The following KALRN variants were observed in gnomAD, a reference collection of about 807,000 sequenced individuals.
KALRN encodes the protein kalirin.
A neutral mutation model predicts 353.7 loss-of-function variants in KALRN; 70 were observed. The observed-to-expected ratio is 0.20, with a 90% CI of 0.16 to 0.24. KALRN has a LOEUF of 0.24. KALRN is among the 10% of genes least tolerant of loss of function. The pLI is 1.00. For synonymous variants in KALRN, 1,391 were observed against 1,434.8 expected (o/e 0.97, Z 0.69); for missense variants, 2,791 against 3,756.7 (o/e 0.74, Z 6.72).
chr3:124,374,230 G>C (rs979452309), intron 10 of KALRN: 1 of 152,482 alleles, frequency 6.6e-6, no homozygotes, highest in African/African-American at 2.4e-5. Flanking sequence ...TGGGTACCTT[G>C]ATCTTGGACT....
At chr3:124,530,237 T>A (rs1034557122) in intron 33 of KALRN, among the ~76,000 whole-genome samples, 3 of 152,138 alleles carry the variant, frequency 2.0e-5, no homozygotes, top group Admixed American at 2.0e-4. Context: ...TATAGTCCAT[T>A]TGGGAGAGAG....
At chr3:124,297,231 G>C (rs919427393) in intron 5 of KALRN, among the ~76,000 whole-genome samples, 8 of 152,238 alleles carry the variant, frequency 5.3e-5, no homozygotes, top group Non-Finnish European at 1.2e-4. Flanking sequence ...TAAGGCTGCA[G>C]TTCTGGCTCC....
In KALRN at chr3:124,674,401, C is replaced by T; in HGVS notation, c.6980C>T (p.Ala2327Val). 6.2e-7 allele frequency: 1 copy of T among 1,613,706 alleles called. No individual in the cohort carries two copies. The highest frequency in any genetic ancestry group is 8.5e-7 in the Non-Finnish European group (1 of 1,179,890). ...GGCTGCAATGGGACCTCGTCCATGG[C>T]CGTGATCAAAGATTACTATGCACTG... ...LGGCNGTSSM[A>V]VIKDYYALKE... Residue 2327 changes from alanine (A) to valine (V), a missense_variant, in exon 49 of 60, where the codon GCC becomes GTC. Physicochemically the swap from Ala to Val is moderately conservative, Grantham distance 64 (BLOSUM62 0). Around this residue, in one of 11 missense-constraint regions of KALRN, gnomAD observed 1,065 missense variants for 1,156.4 expected, o/e 0.92. Coordinates refer to ENST00000682506, the MANE Select transcript of KALRN (RefSeq NM_001388419.1).
At chr3:124,181,102 T>G (rs1180196894) in intron 1 of KALRN, among the ~76,000 whole-genome samples, 1 of 85,038 alleles carries the variant, frequency 1.2e-5, no homozygotes, top group African/African-American at 4.3e-5. Context: ...AAAAAAAAAA[T>G]TAGCCAGGCG....
At chr3:124,366,509 A>G (rs913773934) in intron 10 of KALRN, among the ~76,000 whole-genome samples, 5 of 148,392 alleles carry the variant, frequency 3.4e-5, no homozygotes, top group African/African-American at 1.3e-4. Context: ...TTCAGAGAGC[A>G]CAGGGTTGGG....
At chr3:124,229,840 G>A (rs1258977365) in intron 2 of KALRN, among the ~76,000 whole-genome samples, 3 of 152,220 alleles carry the variant, frequency 2.0e-5, no homozygotes, top group African/African-American at 7.2e-5. Flanking sequence ...ATTGCTGTTA[G>A]ATGAGAGTGA....
At chr3:124,337,214 G>C (rs2081225785) in intron 9 of KALRN, among the ~76,000 whole-genome samples, 1 of 152,212 alleles carries the variant, frequency 6.6e-6, no homozygotes, top group Admixed American at 6.5e-5. Flanking sequence ...AGTGGTGAGA[G>C]AGGGCATCTT....
At chr3:124,539,995 C>T (rs1481887888) in intron 33 of KALRN, among the ~76,000 whole-genome samples, 2 of 151,950 alleles carry the variant, frequency 1.3e-5, no homozygotes, top group South Asian at 2.1e-4. Flanking sequence ...CTGCAACCTC[C>T]GCCTCCCAGG....
intron 1 of KALRN, among the ~76,000 whole-genome samples, chr3:124,113,020 G>A (rs777004535): frequency 6.6e-6 from 1 of 152,104 alleles, no homozygotes; most frequent in African/African-American, 2.4e-5. Context: ...AAAAACCAAA[G>A]GAAAAATAGT....
chr3:124,123,199 C>CAA lies in KALRN; in HGVS notation c.73+89396_73+89397dup, dbSNP rs4048341. Among the ~76,000 whole-genome samples the CAA allele has an allele frequency of 1.6e-3, 231 of 143,610 alleles. 6 individuals carry two copies. The highest frequency in any genetic ancestry group is 7.0e-3 in the East Asian group (34 of 4,882). The allele number at this position is 143,610 out of a possible 152,430, so 94.2% of individuals were successfully genotyped here. On this transcript the variant is annotated intron_variant, in intron 1 of 59. Coordinates refer to ENST00000682506, the MANE Select transcript of KALRN (RefSeq NM_001388419.1). The stretch of plus-strand genomic sequence containing the variant: ...TGGACAACAAAGCAAGACTCCATCT[C>CAA]AAAAAAAAAAAGGCAAGATAGGCAG...
Position 124,496,362 on chromosome 3 carries a change from C to T in KALRN, c.4884C>T (p.Asp1628=), listed in dbSNP as rs2063848714. ...AGGGGGATGGGAGCAGCCAACCAGA[C>T]ACCATCTCCATTGCTTCTAGGACCT... The part of the protein sequence containing the change: ...DSQGDGSSQP[D]TISIASRTSQ... Residue 1628 remains aspartate, a synonymous_variant, in exon 33 of 60, where the codon GAC becomes GAT. Coordinates refer to ENST00000682506, the MANE Select transcript of KALRN (RefSeq NM_001388419.1). 3.7e-6 allele frequency: 6 copies of T among 1,613,444 alleles called. No individual in the cohort carries two copies. Among genetic ancestry groups the T allele is most frequent in the Non-Finnish European group, 5.1e-6 (6 of 1,179,788 alleles).
At chr3:124,413,160 A>G (rs1294246903) in intron 13 of KALRN, among the ~76,000 whole-genome samples, 1 of 152,166 alleles carries the variant, frequency 6.6e-6, no homozygotes, top group Non-Finnish European at 1.5e-5. Flanking sequence ...TGCCTGCCTC[A>G]TTGAGTTATT....
intron 21 of KALRN, 85 bp downstream of exon 21, chr3:124,446,970 T>C: frequency 6.6e-7 from 1 of 1,507,720 alleles, no homozygotes; most frequent in South Asian, 1.2e-5. Context: ...AAAGACAGCT[T>C]CTGTAAGCAA....
At chr3:124,189,265 A>G (rs1406702308) in intron 1 of KALRN, among the ~76,000 whole-genome samples, 1 of 152,216 alleles carries the variant, frequency 6.6e-6, no homozygotes, top group Non-Finnish European at 1.5e-5. Context: ...GTTCCAGGGA[A>G]GATTGAACAT....
chr3:124,201,097 AG>A (rs1227083304), intron 1 of KALRN, among the ~76,000 whole-genome samples: 3 of 152,230 alleles, frequency 2.0e-5, no homozygotes, highest in African/African-American at 7.2e-5. Flanking sequence ...CTTCCTCCCT[AG>A]AATGGGGATA....
chr3:124,718,012 A>C (rs1428726877), intron 59 of KALRN, among the ~76,000 whole-genome samples: 2 of 150,750 alleles, frequency 1.3e-5, no homozygotes, highest in East Asian at 3.9e-4. Flanking sequence ...GGGTTTCATC[A>C]TGTTGGCCAG....
Position 124,554,673 on chromosome 3 carries a change from G to A in KALRN, c.4936-8170G>A, listed in dbSNP as rs540173658. Among the ~76,000 whole-genome samples the A allele has an allele frequency of 6.6e-5, 10 of 152,138 alleles. No homozygotes were observed. The South Asian group carries it at 1.5e-3, about 22-fold the overall frequency. On this transcript the variant is annotated intron_variant, in intron 33 of 59. Coordinates refer to ENST00000682506, the MANE Select transcript of KALRN (RefSeq NM_001388419.1). Reference sequence around the variant, plus strand: ...GTCCTTTTTCTGTTTATTTATTTTGGTCTCTGTTAGAGAGGTTTTTCTGAA... The same window carrying A: ...GTCCTTTTTCTGTTTATTTATTTTGATCTCTGTTAGAGAGGTTTTTCTGAA...
At chr3:124,688,946 A>G (rs762474387) in intron 51 of KALRN, among the ~76,000 whole-genome samples, 1 of 152,252 alleles carries the variant, frequency 6.6e-6, no homozygotes, top group Admixed American at 6.5e-5. Context: ...ATTTCTCTCC[A>G]GAAGGAAACT....
At chr3:124,295,511 C>G (rs1264489133) in intron 5 of KALRN, among the ~76,000 whole-genome samples, 2 of 152,198 alleles carry the variant, frequency 1.3e-5, no homozygotes, top group African/African-American at 4.8e-5. Flanking sequence ...GTTCAGCTTT[C>G]CCTACTCTGT....
Sources: gnomAD v4.1 joint callset for allele counts (sites outside exome capture counted in the v4.1 genomes callset) on GRCh38, gnomAD v4.1.1 for gene constraint, gnomAD v4.1.1 regional missense constraint, MANE v1.5 for transcripts, NCBI Gene and HGNC (gene_info 2026-07-23, HGNC 2026-07-21) for gene names.